Variants in GCLC observed in about 807,000 individuals in gnomAD.
The protein encoded by GCLC is glutamate-cysteine ligase catalytic subunit.
GCLC carries 30 observed loss-of-function variants against 81.5 expected under a neutral mutation model. The observed-to-expected ratio is 0.37, with a 90% CI of 0.28 to 0.50. GCLC has a LOEUF of 0.50. Among genes scored for constraint, GCLC ranks in the 20% least tolerant of loss-of-function variants. GCLC has a pLI of 0.96. For missense variants in GCLC, 556 were observed against 777.4 expected (o/e 0.72, Z 3.39); for synonymous variants, 262 against 273.3 (o/e 0.96, Z 0.41).
At chr6:53,514,169 G>T (rs770171832) in intron 6 of GCLC, 35 bp downstream of exon 6, 2 of 1,606,750 alleles carry the variant, frequency 1.2e-6, no homozygotes, top group African/African-American at 1.3e-5. Flanking sequence ...GAAATGGATG[G>T]AACACTTTGC....
chr6:53,533,946 C>CACAA (rs1304802538), intron 1 of GCLC, among the ~76,000 whole-genome samples: 1 of 152,084 alleles, frequency 6.6e-6, no homozygotes, highest in Non-Finnish European at 1.5e-5. Flanking sequence ...AGGCATGTGC[C>CACAA]ACAACTCTCA....
chr6:53,517,007 G>A (rs1764886578), intron 3 of GCLC, among the ~76,000 whole-genome samples: 1 of 151,730 alleles, frequency 6.6e-6, no homozygotes, highest in Non-Finnish European at 1.5e-5. Flanking sequence ...CCAAACAAGG[G>A]AGGAGTTTTA....
chr6:53,516,341 G>A (rs532970170), intron 3 of GCLC, 119 bp from the exon 4 acceptor site: 10 of 718,498 alleles, frequency 1.4e-5, no homozygotes, highest in East Asian at 1.4e-4. Context: ...TTTTCAGAGG[G>A]CTTTGTGTTT....
chr6:53,513,467 A>G (rs1764795233), intron 6 of GCLC: 1 of 152,268 alleles, frequency 6.6e-6, no homozygotes. Context: ...AGGGGACTTA[A>G]TATCAGCCCT....
chr6:53,537,943 G>T (rs1191428329), intron 1 of GCLC, among the ~76,000 whole-genome samples: 1 of 152,000 alleles, frequency 6.6e-6, no homozygotes, highest in Non-Finnish European at 1.5e-5. Context: ...AAGGAAGGTA[G>T]TATTGTCCTC....
intron 14 of GCLC, 34 bp from the exon 15 acceptor site, chr6:53,500,199 C>G: frequency 6.2e-7 from 1 of 1,613,852 alleles, no homozygotes; most frequent in Non-Finnish European, 8.5e-7. Context: ...GAACTCCCTG[C>G]CGGGGGATGT....
At chr6:53,500,203 G>A in intron 14 of GCLC, 38 bp from the exon 15 acceptor site, 1 of 1,613,636 alleles carries the variant, frequency 6.2e-7, no homozygotes, top group East Asian at 2.2e-5. Context: ...TCCCTGCCGG[G>A]GGATGTGCAC....
chr6:53,509,810 G>A (rs756309342), intron 6 of GCLC: 10 of 161,902 alleles, frequency 6.2e-5, no homozygotes, highest in Admixed American at 1.2e-4. Flanking sequence ...CACCACGACT[G>A]GCTAATTTTG....
intron 1 of GCLC, among the ~76,000 whole-genome samples, chr6:53,528,238 C>T (rs1763116063): frequency 6.6e-6 from 1 of 152,154 alleles, no homozygotes; most frequent in Non-Finnish European, 1.5e-5. Context: ...GATTCTAATA[C>T]AGATGTAATA....
At chr6:53,529,038 T>G (rs866369368) in intron 1 of GCLC, among the ~76,000 whole-genome samples, 6 of 152,338 alleles carry the variant, frequency 3.9e-5, no homozygotes, top group Middle Eastern at 3.4e-3. Context: ...TGCTAGTCAC[T>G]AAGCACATGT....
Position 53,520,837 on chromosome 6 carries a change from C to T in GCLC, c.387G>A (p.Lys129=), listed in dbSNP as rs1762979486. ...TTTCTTCTAATATAGAAGTAGCCTC[C>T]TTCCGGCGTTTTCGCATGTTGGCCT... ...TVEANMRKRR[K]EATSILEENQ... Residue 129 remains lysine, a synonymous_variant, in exon 3 of 16, where the codon AAG becomes AAA. Coordinates refer to ENST00000650454, the MANE Select transcript of GCLC (RefSeq NM_001498.4). The T allele has an allele frequency of 1.9e-6, 3 of 1,614,148 alleles. No homozygotes were observed. The highest frequency in any genetic ancestry group is 2.5e-6 in the Non-Finnish European group (3 of 1,179,984).
intron 1 of GCLC, among the ~76,000 whole-genome samples, chr6:53,536,391 C>A (rs375522896): frequency 1.3e-4 from 20 of 152,266 alleles, no homozygotes; most frequent in East Asian, 9.6e-4. Flanking sequence ...ATGATGTATA[C>A]ATATATCAAA....
At position 53,505,503 on chromosome 6, in the gene GCLC, A is replaced by G. The variant is rs769378568; in HGVS notation, c.1291-7T>C. 4 of 1,452,288 alleles carry G rather than the reference A, an allele frequency of 2.8e-6. No individual in the cohort carries two copies. Among genetic ancestry groups the G allele is most frequent in the Admixed American group, 3.3e-5 (2 of 59,800 alleles). 90.0% of individuals were successfully genotyped at this position (1,452,288 alleles called of 1,614,324 possible). A position where few individuals can be genotyped will look rare whatever the true frequency, so the allele number is the denominator to read the frequency against. The stretch of plus-strand genomic sequence containing the variant: ...CAAAGTCTGTTAATTGCACCTAGAC[A>G]AGCAGAAGCCCAGAGAAGTTATGAA... On this transcript the variant is annotated splice_region_variant and splice_polypyrimidine_tract_variant and intron_variant, in intron 11 of 15. Coordinates refer to ENST00000650454, the MANE Select transcript of GCLC (RefSeq NM_001498.4).
chr6:53,520,678 G>A (rs561490819), intron 3 of GCLC, 100 bp downstream of exon 3: 27 of 930,900 alleles, frequency 2.9e-5, no homozygotes, highest in East Asian at 1.9e-4. Context: ...CATCTGTAAC[G>A]TATGAGGATT....
chr6:53,499,214 G>A (rs1000725156), intron 15 of GCLC, among the ~76,000 whole-genome samples: 3 of 152,100 alleles, frequency 2.0e-5, no homozygotes, highest in Non-Finnish European at 2.9e-5. Flanking sequence ...CCTGTTAGAT[G>A]CCACCCATAT....
chr6:53,527,789 G>A (rs553360818), intron 1 of GCLC, among the ~76,000 whole-genome samples: 1 of 152,178 alleles, frequency 6.6e-6, no homozygotes, highest in African/African-American at 2.4e-5. Context: ...GGACTGGCTA[G>A]GCAAAGGTGA....
In GCLC at chr6:53,506,880, C is replaced by A; in HGVS notation, c.1197+33G>T. 2.7e-6 allele frequency: 3 copies of A among 1,116,432 alleles called. No homozygotes were observed. The highest frequency in any genetic ancestry group is 4.1e-6 in the Non-Finnish European group (3 of 730,998). The allele number at this position is 1,116,432 out of a possible 1,614,324, so 69.2% of individuals were successfully genotyped here. A position where few individuals can be genotyped will look rare whatever the true frequency, so the allele number is the denominator to read the frequency against. ...GATTCCAGACTCTCAGAAGTCAATA[C>A]ATAAATAAATAAAAATAAAACTGAG... is the stretch of plus-strand genomic sequence containing the variant. On this transcript the variant is annotated intron_variant, in intron 10 of 15. Transcript: ENST00000650454. The surrounding 1 kb of genome is among the most constrained non-coding windows in gnomAD (Gnocchi z 4.0).
Position 53,508,706 on chromosome 6 carries a change from A to C in GCLC, c.834T>G (p.Ala278=). The C allele has an allele frequency of 6.2e-7, 1 of 1,609,276 alleles. No homozygotes were observed. Among genetic ancestry groups the C allele is most frequent in the South Asian group, 1.1e-5 (1 of 91,022 alleles). Residue 278 remains alanine, a synonymous_variant, in exon 8 of 16, where the codon GCT becomes GCG. Transcript: ENST00000650454. ...QLATICPIVM[A]LSAASPFYRG... ...GGTAAAAGGGAGATGCAGCACTCAA[A>C]GCCATCTAAAAACAAACAAAAGTCA... is the stretch of plus-strand genomic sequence containing the variant.
intron 4 of GCLC, 27 bp downstream of exon 4, chr6:53,516,082 T>G (rs764183968): frequency 7.8e-7 from 1 of 1,285,468 alleles, no homozygotes; most frequent in Non-Finnish European, 1.1e-6. Context: ...GAAGGGCATC[T>G]GCATTTCAAC....
Sources: allele counts gnomAD v4.1 joint callset (sites outside exome capture counted in the v4.1 genomes callset), GRCh38; gene constraint gnomAD v4.1.1; non-coding constraint Gnocchi (gnomAD v3.1); transcripts MANE v1.5; gene names NCBI Gene and HGNC (gene_info 2026-07-23, HGNC 2026-07-21).